Variants in BCKDHB observed in about 807,000 individuals in gnomAD.
The protein encoded by BCKDHB is branched chain keto acid dehydrogenase E1 subunit beta, also known as 2-oxoisovalerate dehydrogenase subunit beta, mitochondrial.
In BCKDHB, 41 loss-of-function variants were observed where a neutral mutation model predicts 48.5. The observed-to-expected ratio is 0.85, with a 90% CI of 0.66 to 1.10. The LOEUF is 1.10. Ranked by LOEUF, BCKDHB falls within the 50% of genes least tolerant of loss-of-function variation. The pLI, the probability that BCKDHB is intolerant of heterozygous loss-of-function variation, is 0.00. For missense variants in BCKDHB, 496 were observed against 494.2 expected (o/e 1.00, Z -0.03); for synonymous variants, 201 against 174.8 (o/e 1.15, Z -1.18).
the BCKDHB span, among the ~76,000 whole-genome samples, chr6:80,382,220 A>G: frequency 0.023 from 3,526 of 152,240 alleles, 51 homozygotes; most frequent in Middle Eastern, 0.034. Context: ...AAGACCTAGT[A>G]TGAGTTTGTA....
At chr6:80,126,228 A>T (rs569814154) in intron 1 of BCKDHB, among the ~76,000 whole-genome samples, 5 of 152,164 alleles carry the variant, frequency 3.3e-5, no homozygotes, top group African/African-American at 1.2e-4. Flanking sequence ...AACCCTGGGC[A>T]TTCAGTACTG....
intron 3 of BCKDHB, among the ~76,000 whole-genome samples, chr6:80,147,808 C>T (rs536117011): frequency 6.6e-6 from 1 of 152,032 alleles, no homozygotes; most frequent in South Asian, 2.1e-4. Context: ...AACCACAGCA[C>T]CTATCTGAGA....
chr6:80,121,100 C>G (rs1055330794), intron 1 of BCKDHB, among the ~76,000 whole-genome samples: 9 of 152,148 alleles, frequency 5.9e-5, no homozygotes, highest in African/African-American at 2.2e-4. Context: ...GTTTTCCCAG[C>G]ACCATTTATT....
chr6:80,348,594 A>C (rs1770307327), downstream of BCKDHB, among the ~76,000 whole-genome samples: 2 of 152,166 alleles, frequency 1.3e-5, no homozygotes, highest in South Asian at 4.1e-4. Context: ...AAAGTATTAG[A>C]CTCAGCCTTG....
In BCKDHB at chr6:80,203,123, G is replaced by T; in HGVS notation, c.862G>T (p.Ala288Ser). Residue 288 changes from alanine (A) to serine (S), a missense_variant, in exon 8 of 10, where the codon GCT becomes TCT. Coordinates refer to ENST00000320393, the MANE Select transcript of BCKDHB (RefSeq NM_183050.4). ...TCAGGTTCATGTGATCCGAGAGGTA[G>T]CTTCCATGGCAAAAGAAAAGCTTGG... ...GTQVHVIREV[A>S]SMAKEKLGVS... 1 of 1,612,488 alleles carries T rather than the reference G, an allele frequency of 6.2e-7. No individual in the cohort carries two copies. The highest frequency in any genetic ancestry group is 1.3e-5 in the African/African-American group (1 of 74,944).
chr6:80,144,270 A>G (rs557324860), intron 3 of BCKDHB, among the ~76,000 whole-genome samples: 1 of 152,200 alleles, frequency 6.6e-6, no homozygotes, highest in Non-Finnish European at 1.5e-5. Flanking sequence ...TAACAAATTC[A>G]TAAGTCCAGT....
the BCKDHB span, among the ~76,000 whole-genome samples, chr6:80,443,944 A>G: frequency 6.6e-6 from 1 of 151,982 alleles, no homozygotes; most frequent in Admixed American, 6.6e-5. Flanking sequence ...TAGTTACATA[A>G]CACTGATTGA....
chr6:80,338,003 A>G (rs1403328789), intron 9 of BCKDHB, among the ~76,000 whole-genome samples: 1 of 152,228 alleles, frequency 6.6e-6, no homozygotes, highest in African/African-American at 2.4e-5. Flanking sequence ...AGGAACATAT[A>G]TAAAAGACCT....
At position 80,309,808 on chromosome 6, in the gene BCKDHB, A is replaced by C. The variant is rs1211426007; in HGVS notation, c.1039-33856A>C. ...TGTACAGATTATTGGCCACACAGGT[A>C]ATAAGCATAGTAACTGATAGGTAGC... On this transcript the variant is annotated intron_variant, in intron 9 of 9. Coordinates refer to ENST00000320393, the MANE Select transcript of BCKDHB (RefSeq NM_183050.4). Among the ~76,000 whole-genome samples, 3 of 152,248 alleles carry C rather than the reference A, an allele frequency of 2.0e-5. No homozygotes were observed. The East Asian group carries it at 5.8e-4, about 29-fold the overall frequency.
At chr6:80,245,593 G>A (rs938424788) in intron 8 of BCKDHB, among the ~76,000 whole-genome samples, 6 of 152,074 alleles carry the variant, frequency 3.9e-5, no homozygotes, top group South Asian at 4.2e-4. Flanking sequence ...TGAGACTAAT[G>A]GAATTAGAAT....
chr6:80,179,570 G>A lies in BCKDHB; in HGVS notation c.742+8180G>A, dbSNP rs375410519. ...TAGATCAGGGTTCTGAGCAGCTATG[G>A]ATTTTTGTATCTTCAAGAAGTCCTG... On this transcript the variant is annotated intron_variant, in intron 6 of 9. Transcript: ENST00000320393. 5.3e-5 allele frequency among the ~76,000 whole-genome samples: 8 copies of A among 152,172 alleles called. No homozygotes were observed. In the South Asian group the frequency reaches 1.7e-3, roughly 32 times the overall value.
chr6:80,169,490 C>CT (rs1216509642), intron 5 of BCKDHB, among the ~76,000 whole-genome samples: 1 of 152,082 alleles, frequency 6.6e-6, no homozygotes, highest in Non-Finnish European at 1.5e-5. Context: ...TAAGAGAAGA[C>CT]TGTTACCTAG....
At chr6:80,184,374 C>T (rs1773546387) in intron 6 of BCKDHB, among the ~76,000 whole-genome samples, 1 of 152,048 alleles carries the variant, frequency 6.6e-6, no homozygotes, top group Non-Finnish European at 1.5e-5. Context: ...ACAGTAGATA[C>T]TTGGTTGGTA....
downstream of BCKDHB, among the ~76,000 whole-genome samples, chr6:80,350,482 A>G (rs1328639875): frequency 2.6e-5 from 4 of 152,090 alleles, no homozygotes; most frequent in Admixed American, 2.6e-4. Flanking sequence ...AATACAGACC[A>G]TGTATGGTTG....
chr6:80,351,462 A>C, the BCKDHB span, among the ~76,000 whole-genome samples: 17,975 of 151,870 alleles, frequency 0.12, 1,293 homozygotes, highest in African/African-American at 0.21. Flanking sequence ...AATTCTTCCC[A>C]TGGCCCTGTC....
chr6:80,198,336 T>C (rs1028806509), intron 6 of BCKDHB, among the ~76,000 whole-genome samples: 1 of 152,196 alleles, frequency 6.6e-6, no homozygotes, highest in Non-Finnish European at 1.5e-5. Context: ...TTTAAAGAAG[T>C]GTATGAATGC....
the BCKDHB span, among the ~76,000 whole-genome samples, chr6:80,389,247 A>T: frequency 2.0e-5 from 3 of 152,196 alleles, no homozygotes; most frequent in East Asian, 1.9e-4. Flanking sequence ...CAAAATGCCC[A>T]TGGTGGCAGG....
chr6:80,254,840 C>T (rs1326750563), intron 8 of BCKDHB, among the ~76,000 whole-genome samples: 2 of 152,176 alleles, frequency 1.3e-5, no homozygotes, highest in African/African-American at 2.4e-5. Context: ...ACTCTGTTGA[C>T]AGCTTGATTT....
At chr6:80,128,899 TGTG>T (rs1770478405) in intron 2 of BCKDHB, among the ~76,000 whole-genome samples, 1 of 151,824 alleles carries the variant, frequency 6.6e-6, no homozygotes, top group Non-Finnish European at 1.5e-5. Flanking sequence ...TGTGTGTGTG[TGTG>T]TGTGTGGTAA....
Sources: gnomAD v4.1 joint callset for allele counts (sites outside exome capture counted in the v4.1 genomes callset) on GRCh38, gnomAD v4.1.1 for gene constraint, MANE v1.5 for transcripts, NCBI Gene and HGNC (gene_info 2026-07-23, HGNC 2026-07-21) for gene names.